AUH: variants seen among roughly 807,000 people sequenced by gnomAD.
The protein encoded by AUH is AU RNA binding methylglutaconyl-CoA hydratase.
AUH carries 29 observed loss-of-function variants against 42.3 expected under a neutral mutation model. The ratio of observed to expected loss-of-function variants is 0.69; its 90% CI spans 0.51 to 0.93. AUH has a LOEUF of 0.93. Ranked by LOEUF, AUH falls within the 40% of genes least tolerant of loss-of-function variation. AUH has a pLI of 0.00. For missense variants in AUH, 452 were observed against 438.1 expected, an observed-to-expected ratio of 1.03 and a Z score of -0.28; for synonymous variants, 174 against 166.4, an observed-to-expected ratio of 1.05 and a Z score of -0.35.
chr9:91,361,367 TTC>T (rs775070314), intron 1 of AUH, among the ~76,000 whole-genome samples: 1 of 152,200 alleles, frequency 6.6e-6, no homozygotes, highest in Non-Finnish European at 1.5e-5. Context: ...TAAGCTGCAC[TTC>T]TGTTTGCCGC....
chr9:91,245,867 T>TA (rs1302282560), intron 6 of AUH, among the ~76,000 whole-genome samples: 3 of 152,098 alleles, frequency 2.0e-5, no homozygotes, highest in African/African-American at 7.2e-5. Flanking sequence ...GCGCTGTCCC[T>TA]AAAAACACTC....
chr9:91,361,723 G>A lies in AUH; in HGVS notation c.167C>T (p.Pro56Leu). 1 of 1,550,374 alleles carries A rather than the reference G, an allele frequency of 6.5e-7. No individual in the cohort carries two copies. The highest frequency in any genetic ancestry group is 8.7e-7 in the Non-Finnish European group (1 of 1,147,302). The change falls in exon 1 of 10, where the codon CCT (proline) becomes CTT (leucine). Residue 56 changes from proline (P) to leucine (L), a missense_variant. By Grantham distance (98) the Pro-to-Leu change is moderately conservative (BLOSUM62 -3). Transcript: ENST00000375731. ...GPAIWAQGWV[P>L]AAGGPAPKRG... ...TTTCGGGGCGGGACCCCCGGCCGCAGGTACCCAGCCCTGGGCCCAGATCGC... is the reference window on the plus strand; with the variant it reads ...TTTCGGGGCGGGACCCCCGGCCGCAAGTACCCAGCCCTGGGCCCAGATCGC...
intron 3 of AUH, among the ~76,000 whole-genome samples, chr9:91,338,753 C>A (rs1210263334): frequency 1.3e-5 from 2 of 152,090 alleles, no homozygotes; most frequent in Admixed American, 6.5e-5. Context: ...ATATAAAATG[C>A]TACTAGCATA....
chr9:91,359,616 T>C (rs759340348), intron 1 of AUH, among the ~76,000 whole-genome samples: 10 of 152,140 alleles, frequency 6.6e-5, no homozygotes, highest in African/African-American at 2.4e-4. Context: ...TATAGAGCTA[T>C]GCCTCCTACA....
At chr9:91,346,756 C>G (rs1017517717) in intron 3 of AUH, among the ~76,000 whole-genome samples, 1 of 151,846 alleles carries the variant, frequency 6.6e-6, no homozygotes, top group Admixed American at 6.6e-5. Context: ...AGATGCAACT[C>G]ACAAGTCCCA....
At chr9:91,263,285 C>G (rs1323384096) in intron 6 of AUH, among the ~76,000 whole-genome samples, 1 of 152,152 alleles carries the variant, frequency 6.6e-6, no homozygotes, top group East Asian at 1.9e-4. Flanking sequence ...GAATTTCACA[C>G]TTATTAAAAG....
intron 4 of AUH, among the ~76,000 whole-genome samples, chr9:91,301,689 A>G (rs1177502371): frequency 1.3e-5 from 2 of 152,212 alleles, no homozygotes; most frequent in Non-Finnish European, 2.9e-5. Context: ...GTGCCAAGAG[A>G]CATACCAGAG....
chr9:91,265,293 G>GTTTTTTTTTTTTT (rs1829912553), intron 6 of AUH, among the ~76,000 whole-genome samples: 1 of 91,124 alleles, frequency 1.1e-5, no homozygotes, highest in Non-Finnish European at 2.3e-5. Context: ...TTTTTTTTTT[G>GTTTTTTTTTTTTT]GTCTTTGCTC....
chr9:91,325,240 T>A, intron 4 of AUH, 78 bp downstream of exon 4: 1 of 1,126,886 alleles, frequency 8.9e-7, no homozygotes, highest in Non-Finnish European at 1.4e-6. Context: ...CCAATGCTTA[T>A]ATATAATGTG....
At chr9:91,221,345 G>T (rs1161431570) in intron 6 of AUH, among the ~76,000 whole-genome samples, 1 of 152,230 alleles carries the variant, frequency 6.6e-6, no homozygotes, top group African/African-American at 2.4e-5. Context: ...CCACTGACTA[G>T]AAAGGCAGAG....
chr9:91,287,638 GT>G (rs1415450250), intron 6 of AUH, among the ~76,000 whole-genome samples: 1 of 151,954 alleles, frequency 6.6e-6, no homozygotes. Flanking sequence ...TTAAATTAGT[GT>G]TATAGAAAAC....
At chr9:91,259,728 T>C (rs550501950) in intron 6 of AUH, among the ~76,000 whole-genome samples, 1 of 152,294 alleles carries the variant, frequency 6.6e-6, no homozygotes, top group South Asian at 2.1e-4. Flanking sequence ...TCCAATTATC[T>C]GGAGATTTTA....
intron 3 of AUH, among the ~76,000 whole-genome samples, chr9:91,331,786 G>T (rs1830343811): frequency 6.6e-6 from 1 of 152,162 alleles, no homozygotes; most frequent in Admixed American, 6.5e-5. Flanking sequence ...CTACTCCAAT[G>T]AACTTTAGAG....
chr9:91,306,397 T>C, intron 4 of AUH: 1 of 985,138 alleles, frequency 1.0e-6, no homozygotes, highest in Non-Finnish European at 1.2e-6. Flanking sequence ...GCATTTAAAA[T>C]GCTGCTTAAC....
At chr9:91,299,202 G>C (rs1170153717) in intron 4 of AUH, among the ~76,000 whole-genome samples, 2 of 152,174 alleles carry the variant, frequency 1.3e-5, no homozygotes, top group African/African-American at 4.8e-5. Flanking sequence ...CTGGGTGACA[G>C]AGTGAGACTG....
Position 91,245,662 on chromosome 9 carries a change from G to A in AUH, c.656-24670C>T, listed in dbSNP as rs542664565. ...CTGACATCTGCTGATAGAAGCAAACGGGTGCCAAGTGACTTATGGGCATTA... is the reference window on the plus strand; with the variant it reads ...CTGACATCTGCTGATAGAAGCAAACAGGTGCCAAGTGACTTATGGGCATTA... On this transcript the variant is annotated intron_variant, in intron 6 of 9. Transcript: ENST00000375731. 5.9e-4 allele frequency among the ~76,000 whole-genome samples: 90 copies of A among 152,266 alleles called. 2 individuals carry two copies. The highest frequency in any genetic ancestry group is 1.0e-3 in the Non-Finnish European group (68 of 68,024).
In AUH at chr9:91,214,198, G is replaced by A. The variant is rs1826692835; in HGVS notation, c.*150C>T. On this transcript the variant is annotated 3_prime_UTR_variant, in exon 10 of 10. Coordinates refer to ENST00000375731, the MANE Select transcript of AUH (RefSeq NM_001698.3). ...CACATTTGAATGAAGTACACGGATG[G>A]GTCCATTCCAGATGCTTATTACACC... 3 of 697,274 alleles carry A rather than the reference G, an allele frequency of 4.3e-6. No homozygotes were observed. The South Asian group carries it at 4.6e-5, about 11-fold the overall frequency. 43.2% of individuals were successfully genotyped at this position (697,274 alleles called of 1,614,324 possible).
At chr9:91,327,012 C>T (rs1397685620) in intron 3 of AUH, among the ~76,000 whole-genome samples, 4 of 152,168 alleles carry the variant, frequency 2.6e-5, no homozygotes, top group Admixed American at 1.3e-4. Context: ...AGCAATCCTA[C>T]TGTATTTCCT....
intron 6 of AUH, among the ~76,000 whole-genome samples, chr9:91,225,822 G>C (rs1042291395): frequency 2.9e-4 from 44 of 151,752 alleles, no homozygotes; most frequent in African/African-American, 1.0e-3. Context: ...TTGTTCTTGG[G>C]ATAGTTTACT....
Sources: allele counts gnomAD v4.1 joint callset (sites outside exome capture counted in the v4.1 genomes callset), GRCh38; gene constraint gnomAD v4.1.1; transcripts MANE v1.5; gene names NCBI Gene and HGNC (gene_info 2026-07-23, HGNC 2026-07-21).